Variants in CDHR3 observed in about 807,000 individuals in gnomAD.
CDHR3 encodes the protein cadherin-related family member 3.
Under a neutral mutation model 86.6 loss-of-function variants are expected in CDHR3, and 79 were observed. The observed-to-expected ratio is 0.91, with a 90% confidence interval of 0.76 to 1.10. CDHR3 has a LOEUF of 1.10. Ranked by LOEUF, CDHR3 falls within the 50% of genes least tolerant of loss-of-function variation. The probability of loss-of-function intolerance (pLI) is 0.00; values close to 1 mark genes in which losing one functional copy is unlikely to be tolerated. For synonymous variants in CDHR3, 421 were observed against 402.4 expected, an observed-to-expected ratio of 1.05 and a Z score of -0.55; for missense variants, 1,081 against 1,077.6, an observed-to-expected ratio of 1.00 and a Z score of -0.04.
chr7:106,023,046 C>T (rs566750368), intron 14 of CDHR3, among the ~76,000 whole-genome samples: 122 of 152,110 alleles, frequency 8.0e-4, no homozygotes, highest in Non-Finnish European at 1.6e-3. Context: ...ATTGTATAGG[C>T]GAGTGATTCT....
Position 105,996,330 on chromosome 7 carries a change from A to G in CDHR3, c.689A>G (p.Asn230Ser). The G allele has an allele frequency of 1.9e-6, 3 of 1,595,448 alleles. No homozygotes were observed. Among genetic ancestry groups the G allele is most frequent in the South Asian group, 1.1e-5 (1 of 89,948 alleles). The change falls in exon 6 of 19, where the codon AAC becomes AGC. Residue 230 changes from asparagine to serine, a missense_variant. Coordinates refer to ENST00000317716, the MANE Select transcript of CDHR3 (RefSeq NM_152750.5). Reference sequence around the variant, plus strand: ...CTCCAGGTGAACATCGTGAACCTCAACGACGAAGTCCCTCGCTTTACCAGG... The same window carrying G: ...CTCCAGGTGAACATCGTGAACCTCAGCGACGAAGTCCCTCGCTTTACCAGG... The part of the protein sequence containing the change: ...TELQVNIVNL[N>S]DEVPRFTSPT...
chr7:106,003,989 C>CAAAAAA (rs55815648), intron 7 of CDHR3, among the ~76,000 whole-genome samples: 201 of 79,102 alleles, frequency 2.5e-3, no homozygotes, highest in East Asian at 4.4e-3. Context: ...CCAACCTAAC[C>CAAAAAA]AAAAAAAAAA....
At chr7:106,004,768 A>G (rs999453051) in intron 8 of CDHR3, 81 bp downstream of exon 8, 2 of 1,339,576 alleles carry the variant, frequency 1.5e-6, no homozygotes, top group African/African-American at 2.9e-5. Flanking sequence ...GTATATTCTC[A>G]GGAGAATTAT....
chr7:105,993,771 C>T (rs1831754403), intron 4 of CDHR3, among the ~76,000 whole-genome samples: 2 of 151,306 alleles, frequency 1.3e-5, no homozygotes, highest in South Asian at 4.2e-4. Flanking sequence ...GTTTTCTTGA[C>T]TCCATTGTGG....
At chr7:105,983,714 A>G (rs1343522471) in intron 3 of CDHR3, among the ~76,000 whole-genome samples, 1 of 151,954 alleles carries the variant, frequency 6.6e-6, no homozygotes, top group East Asian at 1.9e-4. Flanking sequence ...TACTTATTCT[A>G]TTTATCTCTG....
Position 105,981,093 on chromosome 7 carries a change from T to C in CDHR3, c.375T>C (p.Asp125=). The C allele has an allele frequency of 1.2e-6, 2 of 1,613,734 alleles. No individual in the cohort carries two copies. The highest frequency in any genetic ancestry group is 2.2e-5 in the South Asian group (2 of 90,950). ...AAGTCCTGACTGTCCAGGTAACAGA[T>C]GTGAACGAGCCACCTCAGTTTCAAG... The part of the protein sequence containing the change: ...DLQVLTVQVT[D]VNEPPQFQGN... The change falls in exon 3 of 19, where the codon GAT becomes GAC. Residue 125 remains aspartate, a synonymous_variant. Coordinates refer to ENST00000317716, the MANE Select transcript of CDHR3 (RefSeq NM_152750.5).
chr7:106,022,985 CCAG>C (rs1263056826), intron 14 of CDHR3, among the ~76,000 whole-genome samples: 1 of 152,116 alleles, frequency 6.6e-6, no homozygotes, highest in East Asian at 1.9e-4. Flanking sequence ...CTATAGTGTG[CCAG>C]TCACTTTAGC....
rs759229373 is a variant in CDHR3, at chr7:106,030,931, C to T, written c.2353+91C>T. The T allele has an allele frequency of 1.6e-4, 195 of 1,255,630 alleles. No individual in the cohort carries two copies. The highest frequency in any genetic ancestry group is 2.0e-4 in the Non-Finnish European group (179 of 879,430). 77.8% of individuals were successfully genotyped at this position (1,255,630 alleles called of 1,614,324 possible). The stretch of plus-strand genomic sequence containing the variant: ...ATCTTATCCAATTTCCTGCTTTTAG[C>T]TCATTTTGTCAATCCGTTTGGCTAT... On this transcript the variant is annotated intron_variant, in intron 18 of 18. Coordinates refer to ENST00000317716, the MANE Select transcript of CDHR3 (RefSeq NM_152750.5). This position sits in a 1 kb window ranked among gnomAD's most constrained non-coding sequence, Gnocchi z 4.8.
chr7:105,965,996 C>T (rs779856357), intron 1 of CDHR3, among the ~76,000 whole-genome samples: 10 of 152,172 alleles, frequency 6.6e-5, no homozygotes, highest in Admixed American at 3.3e-4. Context: ...GTCCTTTCCA[C>T]CTCCTATGAA....
At chr7:106,001,893 G>C (rs190390273) in intron 7 of CDHR3, among the ~76,000 whole-genome samples, 3 of 152,200 alleles carry the variant, frequency 2.0e-5, no homozygotes, top group Non-Finnish European at 4.4e-5. Flanking sequence ...AGAAAAAAAT[G>C]TCTGTATATG....
rs1029336454 is a variant in CDHR3, at chr7:106,030,525, C to T, written c.2305-267C>T. ...GGTTTAAATGTCCCCTCTACCCCTA[C>T]CTGTGCCCCATAACACCCTATATCT... is the stretch of plus-strand genomic sequence containing the variant. On this transcript the variant is annotated intron_variant, in intron 17 of 18. Transcript: ENST00000317716. This position sits in a 1 kb window ranked among gnomAD's most constrained non-coding sequence, Gnocchi z 4.8. Among the ~76,000 whole-genome samples the T allele has an allele frequency of 6.6e-6, 1 of 152,216 alleles. No homozygotes were observed. Among genetic ancestry groups the T allele is most frequent in the Non-Finnish European group, 1.5e-5 (1 of 68,040 alleles).
chr7:106,023,669 C>T (rs1836918626), intron 14 of CDHR3, among the ~76,000 whole-genome samples: 1 of 152,212 alleles, frequency 6.6e-6, no homozygotes, highest in Non-Finnish European at 1.5e-5. Context: ...TGGCCAGCTT[C>T]TTCTCAGAGT....
chr7:105,963,318 T>C lies in CDHR3; in HGVS notation c.-1T>C. The C allele has an allele frequency of 6.2e-7, 1 of 1,614,028 alleles. No individual in the cohort carries two copies. Among genetic ancestry groups the C allele is most frequent in the Non-Finnish European group, 8.5e-7 (1 of 1,179,864 alleles). On this transcript the variant is annotated 5_prime_UTR_variant, in exon 1 of 19. Coordinates refer to ENST00000317716, the MANE Select transcript of CDHR3 (RefSeq NM_152750.5). ...AGCACGCACAGTTGTGACCATCAAG[T>C]ATGCAGGAAGCAATCATTCTCCTGG...
At chr7:106,020,985 G>GA (rs907372486) in intron 13 of CDHR3, among the ~76,000 whole-genome samples, 3 of 152,112 alleles carry the variant, frequency 2.0e-5, no homozygotes, top group African/African-American at 7.2e-5. Flanking sequence ...AGTGTTGTTA[G>GA]AAAAAATGCA....
chr7:105,999,232 C>A (rs1832751047), intron 6 of CDHR3, among the ~76,000 whole-genome samples: 1 of 152,234 alleles, frequency 6.6e-6, no homozygotes, highest in African/African-American at 2.4e-5. Flanking sequence ...ATACCTGTAT[C>A]TTGGATTCAA....
At position 106,032,814 on chromosome 7, in the gene CDHR3, C is replaced by T; in HGVS notation, c.*117C>T. The T allele has an allele frequency of 9.3e-6, 10 of 1,077,188 alleles. No individual in the cohort carries two copies. Among genetic ancestry groups the T allele is most frequent in the South Asian group, 1.8e-5 (1 of 56,508 alleles). The allele number at this position is 1,077,188 out of a possible 1,614,324, so 66.7% of individuals were successfully genotyped here. On this transcript the variant is annotated 3_prime_UTR_variant, in exon 19 of 19. Coordinates refer to ENST00000317716, the MANE Select transcript of CDHR3 (RefSeq NM_152750.5). Reference sequence around the variant, plus strand: ...TGTGGGCTGAGGGGATTCAGACATCCAGGGTCAAACATGGGATGTTTGACA... The same window carrying T: ...TGTGGGCTGAGGGGATTCAGACATCTAGGGTCAAACATGGGATGTTTGACA...
rs889100829 is a variant in CDHR3 at position 106,030,359 on chromosome 7, G to T, written c.2305-433G>T. On this transcript the variant is annotated intron_variant, in intron 17 of 18. Transcript: ENST00000317716. This position sits in a 1 kb window ranked among gnomAD's most constrained non-coding sequence, Gnocchi z 4.8. ...GGGCCAGAGGTACGGACACCTGGGA[G>T]CTCACCTGTGTCCACCTTGACAATG... is the stretch of plus-strand genomic sequence containing the variant. 1.8e-4 allele frequency among the ~76,000 whole-genome samples: 27 copies of T among 152,212 alleles called. No individual in the cohort carries two copies. The highest frequency in any genetic ancestry group is 6.3e-4 in the African/African-American group (26 of 41,454).
intron 6 of CDHR3, among the ~76,000 whole-genome samples, chr7:105,998,889 TG>T (rs1832690227): frequency 6.6e-6 from 1 of 152,230 alleles, no homozygotes; most frequent in East Asian, 1.9e-4. Context: ...ATTTTAGAGT[TG>T]GGTAGGTAGG....
At chr7:106,024,315 A>C in intron 14 of CDHR3, 66 bp from the exon 15 acceptor site, 1 of 1,385,780 alleles carries the variant, frequency 7.2e-7, no homozygotes, top group African/African-American at 1.4e-5. Context: ...ACTCAACACG[A>C]GAGAGTGCTG....
Sources: allele counts gnomAD v4.1 joint callset (sites outside exome capture counted in the v4.1 genomes callset), GRCh38; gene constraint gnomAD v4.1.1; non-coding constraint Gnocchi (gnomAD v3.1); transcripts MANE v1.5; gene names NCBI Gene and HGNC (gene_info 2026-07-23, HGNC 2026-07-21).